SALL2: variants seen among roughly 807,000 people sequenced by gnomAD.
SALL2 encodes sal-like protein 2.
Under a neutral mutation model 58.5 loss-of-function variants are expected in SALL2, and 32 were observed. The ratio of observed to expected loss-of-function variants is 0.55; its 90% CI spans 0.41 to 0.74. The LOEUF (loss-of-function observed/expected upper bound fraction) is 0.74, where lower values mean the gene tolerates loss of function less well. Ranked by LOEUF, SALL2 falls within the 30% of genes least tolerant of loss-of-function variation. The probability of loss-of-function intolerance (pLI) is 0.00; values close to 1 mark genes in which losing one functional copy is unlikely to be tolerated. For synonymous variants in SALL2, 516 were observed against 513.6 expected (o/e 1.00, Z -0.06); for missense variants, 1,201 against 1,268.9 (o/e 0.95, Z 0.81).
chr14:21,536,302 C>G (rs1157945849), intron 1 of SALL2, among the ~76,000 whole-genome samples: 1 of 152,200 alleles, frequency 6.6e-6, no homozygotes, highest in Non-Finnish European at 1.5e-5. Context: ...CCAGGTGACA[C>G]GCATACACAC....
chr14:21,524,575 C>CACTG lies in SALL2; in HGVS notation c.1143_1146dup (p.Asp383GlnfsTer2), dbSNP rs1892198669. Reference sequence around the variant, plus strand: ...CGAAGGTGGATCTGCAGGGCACTGTCACTGCCAAATACTTTGGCACAGAAG... The same window carrying CACTG: ...CGAAGGTGGATCTGCAGGGCACTGTCACTGACTGCCAAATACTTTGGCACAGAAG... On this transcript the variant is annotated frameshift_variant, in exon 2 of 2. Transcript: ENST00000537235. LOFTEE classifies it high-confidence loss of function. The CACTG allele has an allele frequency of 6.2e-7, 1 of 1,614,138 alleles. No individual in the cohort carries two copies. Among genetic ancestry groups the CACTG allele is most frequent in the African/African-American group, 1.3e-5 (1 of 74,946 alleles).
intron 1 of SALL2, 46 bp downstream of exon 1, chr14:21,526,015 C>CCCCCAA: frequency 1.1e-6 from 1 of 888,446 alleles, no homozygotes; most frequent in Non-Finnish European, 1.8e-6. Context: ...CCCTGCGCAT[C>CCCCCAA]CCCCTCCGCC....
Position 21,523,515 on chromosome 14 carries a change from T to C in SALL2, c.2207A>G (p.Glu736Gly), listed in dbSNP as rs771910675. Residue 736 changes from glutamate (E) to glycine (G), a missense_variant, in exon 2 of 2, where the codon GAG becomes GGG. Around this residue, in one of 3 missense-constraint regions of SALL2, gnomAD observed 675 missense variants for 683.8 expected, o/e 0.99. Transcript: ENST00000537235. The surrounding 1 kb of genome is among the most constrained non-coding windows in gnomAD (Gnocchi z 4.4). ...CCGTGCCCCGGAGACTGTAGATTGC[T>C]CGGAGCCATTCTCCTGAGCAGCTCC... ...GGGAAQENGS[E>G]QSTVSGARSF... 5 of 1,614,198 alleles carry C rather than the reference T, an allele frequency of 3.1e-6. No homozygotes were observed. The South Asian group carries it at 4.4e-5, about 14-fold the overall frequency.
chr14:21,526,010 C>T, intron 1 of SALL2, 51 bp downstream of exon 1: 2 of 965,382 alleles, frequency 2.1e-6, no homozygotes, highest in Non-Finnish European at 3.2e-6. Flanking sequence ...GCCGCCCCTG[C>T]GCATCCCCCT....
chr14:21,527,264 C>G (rs947063365), upstream of SALL2, among the ~76,000 whole-genome samples: 7 of 152,180 alleles, frequency 4.6e-5, no homozygotes, highest in African/African-American at 1.7e-4. Flanking sequence ...GTGTCTAAAG[C>G]CCTTTCAGCC....
chr14:21,523,431 T>C lies in SALL2; in HGVS notation c.2291A>G (p.Glu764Gly), dbSNP rs756132459. ...PSPEEELSEEEEEEDEEEEED... is the reference protein window; with the variant it reads ...PSPEEELSEEGEEEDEEEEED... ...CTCTTCTTCCTCATCCTCCTCTTCC[T>C]CCTCCTCAGACAACTCCTCTTCCGG... The change falls in exon 2 of 2, where the codon GAG becomes GGG. Residue 764 changes from glutamate to glycine, a missense_variant. Glu to Gly is a moderately conservative substitution (Grantham distance 98, BLOSUM62 -2). Transcript: ENST00000537235. The surrounding 1 kb of genome is among the most constrained non-coding windows in gnomAD (Gnocchi z 4.4). 6.2e-7 allele frequency: 1 copy of C among 1,613,838 alleles called. No individual in the cohort carries two copies. The highest frequency in any genetic ancestry group is 1.7e-5 in the Admixed American group (1 of 60,008).
chr14:21,535,366 GAAAAA>G (rs1015286032), intron 1 of SALL2, among the ~76,000 whole-genome samples: 4 of 146,124 alleles, frequency 2.7e-5, no homozygotes, highest in Non-Finnish European at 4.5e-5. Context: ...AAGAAAAAAA[GAAAAA>G]GAAAAGAAAA....
intron 1 of SALL2, among the ~76,000 whole-genome samples, chr14:21,534,997 A>G (rs543621074): frequency 1.6e-4 from 24 of 152,274 alleles, no homozygotes; most frequent in Admixed American, 1.0e-3. Context: ...TTTAATCTAC[A>G]ATTTTAGTCG....
upstream of SALL2, chr14:21,526,375 TG>T: frequency 6.3e-6 from 6 of 950,402 alleles, no homozygotes; most frequent in South Asian, 1.8e-4. Flanking sequence ...GGGGAGTTTA[TG>T]GGGAGGAGCT....
At position 21,523,926 on chromosome 14, in the gene SALL2, C is replaced by A; in HGVS notation, c.1796G>T (p.Arg599Leu). ...TGAGGTCACCGCCACAGCTCCTTGCCGGTCAATCTTTTCTACCAGTTGCTG... is the reference window on the plus strand; with the variant it reads ...TGAGGTCACCGCCACAGCTCCTTGCAGGTCAATCTTTTCTACCAGTTGCTG... The part of the protein sequence containing the change: ...KLQQLVEKID[R>L]QGAVAVTSAA... The change falls in exon 2 of 2, where the codon CGG becomes CTG. Residue 599 changes from arginine to leucine, a missense_variant. Physicochemically the swap from Arg to Leu is moderately radical, Grantham distance 102. Coordinates refer to ENST00000537235, the MANE Select transcript of SALL2 (RefSeq NM_001364564.1). The surrounding 1 kb of genome is among the most constrained non-coding windows in gnomAD (Gnocchi z 4.4). 1 of 1,614,196 alleles carries A rather than the reference C, an allele frequency of 6.2e-7. No individual in the cohort carries two copies. The highest frequency in any genetic ancestry group is 8.5e-7 in the Non-Finnish European group (1 of 1,180,040).
Position 21,522,733 on chromosome 14 carries a change from G to T in SALL2, c.2989C>A (p.Pro997Thr). 1 of 1,530,164 alleles carries T rather than the reference G, an allele frequency of 6.5e-7. No individual in the cohort carries two copies. Among genetic ancestry groups the T allele is most frequent in the Non-Finnish European group, 8.8e-7 (1 of 1,141,280 alleles). The allele number at this position is 1,530,164 out of a possible 1,614,324, so 94.8% of individuals were successfully genotyped here. The change falls in exon 2 of 2, where the codon CCC becomes ACC. Residue 997 changes from proline (P) to threonine (T), a missense_variant. By Grantham distance (38) the Pro-to-Thr change is conservative. Coordinates refer to ENST00000537235, the MANE Select transcript of SALL2 (RefSeq NM_001364564.1). Reference sequence around the variant, plus strand: ...GGGATCGTGGGGTCATCTTTTCGGGGAAAGGGGGAGAGCCCTGTGGAGGTG... The same window carrying T: ...GGGATCGTGGGGTCATCTTTTCGGGTAAAGGGGGAGAGCCCTGTGGAGGTG... ...SITSTGLSPF[P>T]RKDDPTIP
In SALL2 at chr14:21,525,312, C is replaced by T. The variant is rs778767002; in HGVS notation, c.410G>A (p.Gly137Asp). ...ATGTAAGGGG[G>D]LILASPKLGA... ...CAGCTTGGGACTGGCCAAGATCAGGCCCCCGCCTCCCCCAGCCGCTGTACC... is the reference window on the plus strand; with the variant it reads ...CAGCTTGGGACTGGCCAAGATCAGGTCCCCGCCTCCCCCAGCCGCTGTACC... Residue 137 changes from glycine (G) to aspartate (D), a missense_variant, in exon 2 of 2, where the codon GGC becomes GAC. By Grantham distance (94) the Gly-to-Asp change is moderately conservative. Around this residue, in one of 3 missense-constraint regions of SALL2, gnomAD observed 467 missense variants for 468.9 expected, o/e 1.00. Transcript: ENST00000537235. The surrounding 1 kb of genome is among the most constrained non-coding windows in gnomAD (Gnocchi z 4.4). 1.9e-6 allele frequency: 3 copies of T among 1,612,926 alleles called. No individual in the cohort carries two copies. Among genetic ancestry groups the T allele is most frequent in the African/African-American group, 2.7e-5 (2 of 74,872 alleles).
In SALL2 at chr14:21,524,980, T is replaced by A. The variant is rs1892225846; in HGVS notation, c.742A>T (p.Thr248Ser). 2 of 1,613,888 alleles carry A rather than the reference T, an allele frequency of 1.2e-6. No individual in the cohort carries two copies. Among genetic ancestry groups the A allele is most frequent in the Non-Finnish European group, 1.7e-6 (2 of 1,179,920 alleles). Reference sequence around the variant, plus strand: ...GAGGAAGATGCCAGTGTCTTGCTGGTTTGGACAGGCTTGATGGGGCTGAAG... The same window carrying A: ...GAGGAAGATGCCAGTGTCTTGCTGGATTGGACAGGCTTGATGGGGCTGAAG... ...PLFSPIKPVQ[T>S]SKTLASSSSS... The change falls in exon 2 of 2, where the codon ACC becomes TCC. Residue 248 changes from threonine to serine, a missense_variant. Around this residue, in one of 3 missense-constraint regions of SALL2, gnomAD observed 467 missense variants for 468.9 expected, o/e 1.00. Coordinates refer to ENST00000537235, the MANE Select transcript of SALL2 (RefSeq NM_001364564.1).
At position 21,522,078 on chromosome 14, in the gene SALL2, G is replaced by GTCT; in HGVS notation, c.*623_*625dup. ...AGGAGGCTGAAATAGGAGGGGGGCT[G>GTCT]TCTTCTCCTTGGCTTCCCTGGATCC... On this transcript the variant is annotated 3_prime_UTR_variant, in exon 2 of 2. Coordinates refer to ENST00000537235, the MANE Select transcript of SALL2 (RefSeq NM_001364564.1). 2 of 1,597,660 alleles carry GTCT rather than the reference G, an allele frequency of 1.3e-6. No individual in the cohort carries two copies. The highest frequency in any genetic ancestry group is 1.7e-6 in the Non-Finnish European group (2 of 1,179,554).
Position 21,521,656 on chromosome 14 carries a change from CA to C in SALL2, c.*1047del. 4.2e-6 allele frequency: 1 copy of C among 235,634 alleles called. No homozygotes were observed. Among genetic ancestry groups the C allele is most frequent in the East Asian group, 9.7e-5 (1 of 10,348 alleles). 14.6% of individuals were successfully genotyped at this position (235,634 alleles called of 1,614,324 possible). On this transcript the variant is annotated 3_prime_UTR_variant, in exon 2 of 2. Transcript: ENST00000537235. ...GGTACCAGCAAGCCCTATGTTCTAG[CA>C]ACATTCCTTAACTCTCTCATCATTA...
chr14:21,532,301 CA>C (rs926295474), intron 1 of SALL2, among the ~76,000 whole-genome samples: 6 of 73,286 alleles, frequency 8.2e-5, no homozygotes, highest in African/African-American at 3.2e-4. Flanking sequence ...TAGAGGCTAA[CA>C]GGGCTAAGGG....
rs528247190 is a variant in SALL2 at position 21,522,354 on chromosome 14, T to G, written c.*350A>C. On this transcript the variant is annotated 3_prime_UTR_variant, in exon 2 of 2. Transcript: ENST00000537235. ...CCAGCCCTTTTTGGCTAGGCTGCAA[T>G]GCCAAATGTAGGTGCTCAGGTGCAC... is the stretch of plus-strand genomic sequence containing the variant. 4.8e-6 allele frequency: 7 copies of G among 1,448,426 alleles called. No individual in the cohort carries two copies. In the East Asian group the frequency reaches 1.8e-4, roughly 36 times the overall value. 89.7% of individuals were successfully genotyped at this position (1,448,426 alleles called of 1,614,324 possible). A position where few individuals can be genotyped will look rare whatever the true frequency, so the allele number is the denominator to read the frequency against.
chr14:21,523,356 C>G lies in SALL2; in HGVS notation c.2366G>C (p.Gly789Ala), dbSNP rs1279653756. Residue 789 changes from glycine (G) to alanine (A), a missense_variant, in exon 2 of 2, where the codon GGA becomes GCA. Around this residue, in one of 3 missense-constraint regions of SALL2, gnomAD observed 675 missense variants for 683.8 expected, o/e 0.99. Coordinates refer to ENST00000537235, the MANE Select transcript of SALL2 (RefSeq NM_001364564.1). The surrounding 1 kb of genome is among the most constrained non-coding windows in gnomAD (Gnocchi z 4.4). ...TCTCACTGATATTGCCTTCTCACCT[C>G]CACTCTCTGAGCCTCTCCCTGCCAG... Reference protein sequence around the residue: ...DSLAGRGSESGGEKAISVRGD... With the variant: ...DSLAGRGSESAGEKAISVRGD... The G allele has an allele frequency of 6.2e-7, 1 of 1,613,684 alleles. No individual in the cohort carries two copies. Among genetic ancestry groups the G allele is most frequent in the African/African-American group, 1.3e-5 (1 of 75,058 alleles).
At chr14:21,536,864 T>C in intron 1 of SALL2, 1 of 1,614,146 alleles carries the variant, frequency 6.2e-7, no homozygotes, top group South Asian at 1.1e-5. Flanking sequence ...TCAGACGCGC[T>C]GGGACCTTCG....
Sources: allele counts gnomAD v4.1 joint callset (sites outside exome capture counted in the v4.1 genomes callset), GRCh38; gene constraint gnomAD v4.1.1; regional missense constraint gnomAD v4.1.1; non-coding constraint Gnocchi (gnomAD v3.1); transcripts MANE v1.5; gene names NCBI Gene and HGNC (gene_info 2026-07-23, HGNC 2026-07-21).